The following SPECC1 variants were observed in gnomAD, a reference collection of about 807,000 sequenced individuals.
The protein encoded by SPECC1 is sperm antigen with calponin homology and coiled-coil domains 1, also known as cytospin-B.
A neutral mutation model predicts 104.1 loss-of-function variants in SPECC1; 62 were observed. The ratio of observed to expected loss-of-function variants is 0.60; its 90% CI spans 0.49 to 0.74. The LOEUF is 0.74. SPECC1 is among the 30% of genes least tolerant of loss of function. The pLI, the probability that SPECC1 is intolerant of heterozygous loss-of-function variation, is 0.00. For missense variants in SPECC1, 1,306 were observed against 1,310.5 expected (o/e 1.00, Z 0.05); for synonymous variants, 513 against 501.6 (o/e 1.02, Z -0.30).
At chr17:20,068,684 C>T (rs766452654) in intron 1 of SPECC1, among the ~76,000 whole-genome samples, 5 of 152,170 alleles carry the variant, frequency 3.3e-5, no homozygotes, top group Non-Finnish European at 7.3e-5. Flanking sequence ...CCATCCCAGT[C>T]GATGTGGAGT....
At chr17:20,289,430 T>C (rs1421144209) in intron 12 of SPECC1, among the ~76,000 whole-genome samples, 2 of 152,108 alleles carry the variant, frequency 1.3e-5, no homozygotes, top group Non-Finnish European at 2.9e-5. Context: ...GCCTCCCAAG[T>C]AGCTGGTACT....
At chr17:20,187,793 T>C (rs539759024) in intron 3 of SPECC1, among the ~76,000 whole-genome samples, 1 of 152,326 alleles carries the variant, frequency 6.6e-6, no homozygotes, top group Admixed American at 6.5e-5. Flanking sequence ...AGAAGCTCTC[T>C]AGGCAGTTTA....
chr17:20,047,865 T>C (rs2045597878), intron 1 of SPECC1, among the ~76,000 whole-genome samples: 1 of 152,186 alleles, frequency 6.6e-6, no homozygotes, highest in South Asian at 2.1e-4. Flanking sequence ...TAACATCTTT[T>C]TAATCACTTT....
intron 3 of SPECC1, among the ~76,000 whole-genome samples, chr17:20,157,057 A>G (rs538977883): frequency 7.9e-5 from 12 of 152,150 alleles, no homozygotes; most frequent in African/African-American, 2.7e-4. Context: ...CCAAAGGCGT[A>G]ATATTTGAAT....
At chr17:20,176,248 TTAAA>T (rs1172644701) in intron 3 of SPECC1, among the ~76,000 whole-genome samples, 91 of 152,238 alleles carry the variant, frequency 6.0e-4, no homozygotes, top group Admixed American at 3.3e-4. Context: ...TTAATAAATG[TTAAA>T]TAAATTATCA....
intron 12 of SPECC1, among the ~76,000 whole-genome samples, chr17:20,279,240 T>A (rs1001411552): frequency 2.0e-5 from 3 of 152,128 alleles, no homozygotes; most frequent in African/African-American, 4.8e-5. Flanking sequence ...AAGACACTTA[T>A]GATTTCACAG....
At position 20,247,254 on chromosome 17, in the gene SPECC1, C is replaced by G. The variant is rs1302509198; in HGVS notation, c.2533C>G (p.Pro845Ala). The change falls in exon 9 of 15, where the codon CCC becomes GCC. Residue 845 changes from proline (P) to alanine (A), a missense_variant. Pro to Ala is a conservative substitution (Grantham distance 27, BLOSUM62 -1). Around this residue, in one of 2 missense-constraint regions of SPECC1, gnomAD observed 1,177 missense variants for 1,139.9 expected, o/e 1.03. Transcript: ENST00000395527. ...ACAGAATATTTCTGTCCATAAGACC[C>G]CCAGAAGTCCCCTAAGTGGGATACC... ...AGQNISVHKT[P>A]RSPLSGIPVR... The G allele has an allele frequency of 1.2e-6, 2 of 1,613,550 alleles. No individual in the cohort carries two copies. The highest frequency in any genetic ancestry group is 1.7e-6 in the Non-Finnish European group (2 of 1,179,832).
chr17:20,020,559 C>T (rs1290292428), intron 1 of SPECC1, among the ~76,000 whole-genome samples: 1 of 152,136 alleles, frequency 6.6e-6, no homozygotes, highest in Non-Finnish European at 1.5e-5. Flanking sequence ...ATCTCAAACT[C>T]CTAATCTTGT....
chr17:20,307,207 A>G (rs1476066492), intron 14 of SPECC1, among the ~76,000 whole-genome samples: 1 of 152,240 alleles, frequency 6.6e-6, no homozygotes, highest in Non-Finnish European at 1.5e-5. Flanking sequence ...GTATGTGTTC[A>G]GCTTCAAGAA....
chr17:20,312,950 T>G (rs2041971192), intron 14 of SPECC1, among the ~76,000 whole-genome samples: 1 of 152,224 alleles, frequency 6.6e-6, no homozygotes, highest in Admixed American at 6.5e-5. Context: ...AGTTCAGCCT[T>G]ACTTTTCCAT....
At chr17:20,289,237 C>T (rs960115671) in intron 12 of SPECC1, among the ~76,000 whole-genome samples, 1 of 152,158 alleles carries the variant, frequency 6.6e-6, no homozygotes. Flanking sequence ...GTTACCTCCC[C>T]CTGGGTCCCT....
intron 1 of SPECC1, among the ~76,000 whole-genome samples, chr17:20,039,078 A>G (rs1015164057): frequency 2.0e-5 from 3 of 152,222 alleles, no homozygotes; most frequent in African/African-American, 7.2e-5. Context: ...AAGAAATCCT[A>G]CACTCTTTAA....
intron 3 of SPECC1, among the ~76,000 whole-genome samples, chr17:20,198,932 A>G (rs1597950394): frequency 6.6e-6 from 1 of 152,288 alleles, no homozygotes; most frequent in African/African-American, 2.4e-5. Context: ...ATGCTTTAAA[A>G]TGTATTCTAC....
intron 1 of SPECC1, among the ~76,000 whole-genome samples, chr17:20,062,107 G>A (rs1328184145): frequency 6.6e-6 from 1 of 151,850 alleles, no homozygotes; most frequent in African/African-American, 2.4e-5. Context: ...CAAAAAATTA[G>A]CCAGGCATGG....
chr17:20,027,613 G>A (rs1339874824), intron 1 of SPECC1, among the ~76,000 whole-genome samples: 1 of 152,134 alleles, frequency 6.6e-6, no homozygotes, highest in Non-Finnish European at 1.5e-5. Flanking sequence ...TATGGTGAGA[G>A]ATAGGGGTCT....
intron 1 of SPECC1, among the ~76,000 whole-genome samples, chr17:20,014,900 G>A (rs2044061636): frequency 6.6e-6 from 1 of 152,050 alleles, no homozygotes; most frequent in Admixed American, 6.5e-5. Flanking sequence ...GATTACAGAT[G>A]TGCACCACCA....
intron 1 of SPECC1, among the ~76,000 whole-genome samples, chr17:20,034,345 C>T (rs1597592825): frequency 6.6e-6 from 1 of 152,190 alleles, no homozygotes; most frequent in East Asian, 1.9e-4. Context: ...GATCCACCTG[C>T]CCCGGCCTCC....
chr17:20,156,281 C>T (rs2032509134), intron 3 of SPECC1: 2 of 1,328,102 alleles, frequency 1.5e-6, no homozygotes, highest in South Asian at 4.0e-5. Flanking sequence ...CAACCCCACC[C>T]CCCCTCCAGG....
chr17:20,087,134 C>T (rs933214922), intron 1 of SPECC1: 2 of 152,186 alleles, frequency 1.3e-5, no homozygotes, highest in African/African-American at 4.8e-5. Context: ...CATTTATTAA[C>T]ATAAATTCAT....
Sources: gnomAD v4.1 joint callset for allele counts (sites outside exome capture counted in the v4.1 genomes callset) on GRCh38, gnomAD v4.1.1 for gene constraint, gnomAD v4.1.1 regional missense constraint, MANE v1.5 for transcripts, NCBI Gene and HGNC (gene_info 2026-07-23, HGNC 2026-07-21) for gene names.